PCDHGA9: variants seen among roughly 807,000 people sequenced by gnomAD.
PCDHGA9 encodes the protein protocadherin gamma-A9.
PCDHGA9 carries 37 observed loss-of-function variants against 62.5 expected under a neutral mutation model. The ratio of observed to expected loss-of-function variants is 0.59; its 90% confidence interval spans 0.46 to 0.78. The LOEUF (loss-of-function observed/expected upper bound fraction) is 0.78. PCDHGA9 is among the 30% of genes least tolerant of loss of function. The pLI, the probability that PCDHGA9 is intolerant of heterozygous loss-of-function variation, is 0.00. For missense variants in PCDHGA9, 1,138 were observed against 1,166.2 expected, an observed-to-expected ratio of 0.98 and a Z score of 0.35; for synonymous variants, 459 against 484.6, an observed-to-expected ratio of 0.95 and a Z score of 0.69.
At chr5:141,456,860 G>A (rs1345260160) in intron 1 of PCDHGA9, among the ~76,000 whole-genome samples, 1 of 152,170 alleles carries the variant, frequency 6.6e-6, no homozygotes, top group African/African-American at 2.4e-5. Flanking sequence ...CTAATTGGGA[G>A]GCTGAGGCAG....
Position 141,485,302 on chromosome 5 carries a change from T to C in PCDHGA9, c.2425-9505T>C. 1.2e-6 allele frequency: 2 copies of C among 1,614,152 alleles called. No homozygotes were observed. Among genetic ancestry groups the C allele is most frequent in the South Asian group, 2.2e-5 (2 of 91,078 alleles). On this transcript the variant is annotated intron_variant, in intron 1 of 3. Coordinates refer to ENST00000573521, the MANE Select transcript of PCDHGA9 (RefSeq NM_018921.3). This position sits in a 1 kb window ranked among gnomAD's most constrained non-coding sequence, Gnocchi z 5.7. ...TCCCAGAGGAGTCACAGGAAGGGAC[T>C]TTTGTAGGGAATGTCGCTCAAGATT... is the stretch of plus-strand genomic sequence containing the variant.
rs1435695987 is a variant in PCDHGA9 at position 141,403,161 on chromosome 5, G to A, written c.209G>A (p.Gly70Asp). Residue 70 changes from glycine to aspartate, a missense_variant, in exon 1 of 4, where the codon GGT (glycine) becomes GAT (aspartate). Physicochemically the swap from Gly to Asp is moderately conservative, Grantham distance 94. Transcript: ENST00000573521. Reference sequence around the variant, plus strand: ...CGCCGAGTCCGCATCGTCTCTAGAGGTAGGACGCAGCTTTTCTCTCTGAAC... The same window carrying A: ...CGCCGAGTCCGCATCGTCTCTAGAGATAGGACGCAGCTTTTCTCTCTGAAC... Reference protein sequence around the residue: ...AERRVRIVSRGRTQLFSLNPR... With the variant: ...AERRVRIVSRDRTQLFSLNPR... 7.4e-6 allele frequency: 12 copies of A among 1,614,026 alleles called. No individual in the cohort carries two copies. Among genetic ancestry groups the A allele is most frequent in the Non-Finnish European group, 1.0e-5 (12 of 1,179,902 alleles).
intron 1 of PCDHGA9, among the ~76,000 whole-genome samples, chr5:141,454,343 A>G (rs1161350416): frequency 2.6e-5 from 4 of 152,248 alleles, no homozygotes; most frequent in African/African-American, 7.2e-5. Flanking sequence ...AAATGTTGGA[A>G]GTTGATCCAA....
At position 141,422,630 on chromosome 5, in the gene PCDHGA9, G is replaced by A. The variant is rs1193466428; in HGVS notation, c.2424+17254G>A. 5 of 1,613,176 alleles carry A rather than the reference G, an allele frequency of 3.1e-6. No homozygotes were observed. The Admixed American group carries it at 8.3e-5, about 27-fold the overall frequency. On this transcript the variant is annotated intron_variant, in intron 1 of 3. Coordinates refer to ENST00000573521, the MANE Select transcript of PCDHGA9 (RefSeq NM_018921.3). ...GCCTACATTCCCGAAAACAACCCCA[G>A]GGGTGCCTCCATCTTCTCAGTGACC...
At chr5:141,409,639 G>T (rs948112966) in intron 1 of PCDHGA9, 2 of 1,613,760 alleles carry the variant, frequency 1.2e-6, no homozygotes, top group African/African-American at 1.3e-5. Flanking sequence ...CCTCTGACCC[G>T]GATTTGGGGC....
chr5:141,481,689 C>T (rs1198127143), intron 1 of PCDHGA9, among the ~76,000 whole-genome samples: 1 of 152,102 alleles, frequency 6.6e-6, no homozygotes, highest in Non-Finnish European at 1.5e-5. Context: ...CCTGGTGGCT[C>T]ACGCCTGTAA....
At chr5:141,422,546 GGC>G in intron 1 of PCDHGA9, 8 of 1,613,972 alleles carry the variant, frequency 5.0e-6, no homozygotes, top group Non-Finnish European at 6.8e-6. Flanking sequence ...ACTCATGTCT[GGC>G]TGAATGTGGC....
At chr5:141,461,740 G>T (rs770518286) in intron 1 of PCDHGA9, among the ~76,000 whole-genome samples, 1 of 152,072 alleles carries the variant, frequency 6.6e-6, no homozygotes, top group African/African-American at 2.4e-5. Context: ...GCACAATCCC[G>T]GCTCCCAGAT....
chr5:141,428,344 G>T (rs970552377), intron 1 of PCDHGA9: 3 of 596,498 alleles, frequency 5.0e-6, no homozygotes, highest in Non-Finnish European at 6.1e-6. Flanking sequence ...CTTCTTCCTC[G>T]CAGTGATTTT....
chr5:141,491,702 T>A lies in PCDHGA9; in HGVS notation c.2425-3105T>A. The A allele has an allele frequency of 6.2e-7, 1 of 1,611,514 alleles. No homozygotes were observed. Among genetic ancestry groups the A allele is most frequent in the Non-Finnish European group, 8.5e-7 (1 of 1,178,984 alleles). ...AATACGCTGCGGGAGCGGAGCCAGG[T>A]GAGGGGCTCGGCGCCGCCCCGGGCG... On this transcript the variant is annotated intron_variant, in intron 1 of 3. Coordinates refer to ENST00000573521, the MANE Select transcript of PCDHGA9 (RefSeq NM_018921.3). The surrounding 1 kb of genome is among the most constrained non-coding windows in gnomAD (Gnocchi z 6.9).
rs780541121 is a variant in PCDHGA9 at position 141,477,533 on chromosome 5, G to A, written c.2425-17274G>A. ...TTACATTGAAGAAAACAACCTCCCCGGGGCTCCAATACTAAACCTAAGTGT... is the reference window on the plus strand; with the variant it reads ...TTACATTGAAGAAAACAACCTCCCCAGGGCTCCAATACTAAACCTAAGTGT... On this transcript the variant is annotated intron_variant, in intron 1 of 3. Coordinates refer to ENST00000573521, the MANE Select transcript of PCDHGA9 (RefSeq NM_018921.3). This position sits in a 1 kb window ranked among gnomAD's most constrained non-coding sequence, Gnocchi z 4.9. The A allele has an allele frequency of 6.2e-7, 1 of 1,614,010 alleles. No individual in the cohort carries two copies. The highest frequency in any genetic ancestry group is 1.1e-5 in the South Asian group (1 of 91,066).
At chr5:141,419,313 G>T in intron 1 of PCDHGA9, 1 of 1,613,974 alleles carries the variant, frequency 6.2e-7, no homozygotes, top group Non-Finnish European at 8.5e-7. Context: ...GGGCTCAACG[G>T]CCGTGTCTCC....
intron 1 of PCDHGA9, among the ~76,000 whole-genome samples, chr5:141,484,597 A>C (rs1345278081): frequency 1.3e-5 from 2 of 152,070 alleles, no homozygotes; most frequent in African/African-American, 4.8e-5. Flanking sequence ...CTCATTTAGA[A>C]TACTGGTTGA....
chr5:141,495,034 A>C (rs986393420), intron 2 of PCDHGA9, 169 bp downstream of exon 2: 1 of 962,702 alleles, frequency 1.0e-6, no homozygotes, highest in Non-Finnish European at 1.2e-6. Context: ...CCCCGGAAGG[A>C]AGAGGCGACT....
Position 141,432,149 on chromosome 5 carries a change from A to G in PCDHGA9, c.2424+26773A>G. The G allele has an allele frequency of 6.2e-7, 1 of 1,613,964 alleles. No individual in the cohort carries two copies. The highest frequency in any genetic ancestry group is 8.5e-7 in the Non-Finnish European group (1 of 1,179,986). On this transcript the variant is annotated intron_variant, in intron 1 of 3. Transcript: ENST00000573521. This position sits in a 1 kb window ranked among gnomAD's most constrained non-coding sequence, Gnocchi z 6.0. Reference sequence around the variant, plus strand: ...CTCCTATTCCGCTTATATCCCAGAGAACAATCCCAGAGGAGTTTCCCTCGT... The same window carrying G: ...CTCCTATTCCGCTTATATCCCAGAGGACAATCCCAGAGGAGTTTCCCTCGT...
At chr5:141,441,742 T>C in intron 1 of PCDHGA9, 1 of 367,312 alleles carries the variant, frequency 2.7e-6, no homozygotes, top group Non-Finnish European at 5.4e-6. Context: ...TAGCTCGCGC[T>C]CGGCGTCAAC....
chr5:141,408,660 C>A, intron 1 of PCDHGA9: 3 of 1,613,980 alleles, frequency 1.9e-6, no homozygotes, highest in Non-Finnish European at 1.7e-6. Flanking sequence ...ACACGACTAT[C>A]GCTTGACCCT....
intron 1 of PCDHGA9, among the ~76,000 whole-genome samples, chr5:141,406,833 A>G (rs776807611): frequency 3.9e-5 from 6 of 152,238 alleles, no homozygotes; most frequent in Non-Finnish European, 4.4e-5. Flanking sequence ...ATGAACTTGC[A>G]TATCAGATAT....
At chr5:141,423,150 G>T in intron 1 of PCDHGA9, 1 of 1,613,538 alleles carries the variant, frequency 6.2e-7, no homozygotes, top group Non-Finnish European at 8.5e-7. Flanking sequence ...CGCTCAAGCA[G>T]AGCCTCGTGG....
Sources: gnomAD v4.1 joint callset for allele counts (sites outside exome capture counted in the v4.1 genomes callset) on GRCh38, gnomAD v4.1.1 for gene constraint, Gnocchi (gnomAD v3.1) non-coding constraint, MANE v1.5 for transcripts, NCBI Gene and HGNC (gene_info 2026-07-23, HGNC 2026-07-21) for gene names.